ANKRD46: variants seen among roughly 807,000 people sequenced by gnomAD.
ANKRD46 encodes ankyrin repeat domain-containing protein 46.
Under a neutral mutation model 19.8 loss-of-function variants are expected in ANKRD46, and 13 were observed. The ratio of observed to expected loss-of-function variants is 0.66; its 90% CI spans 0.43 to 1.04. The LOEUF (loss-of-function observed/expected upper bound fraction) is 1.04. ANKRD46 is among the 50% of genes least tolerant of loss of function. The pLI, the probability that ANKRD46 is intolerant of heterozygous loss-of-function variation, is 0.00. For synonymous variants in ANKRD46, 91 were observed against 106.9 expected, an observed-to-expected ratio of 0.85 and a Z score of 0.92; for missense variants, 185 against 274.8, an observed-to-expected ratio of 0.67 and a Z score of 2.31.
At chr8:100,538,042 G>A (rs766631975) in intron 1 of ANKRD46, among the ~76,000 whole-genome samples, 1 of 152,098 alleles carries the variant, frequency 6.6e-6, no homozygotes, top group Non-Finnish European at 1.5e-5. Flanking sequence ...CCAAGAAATG[G>A]GTCTGATTTG....
Position 100,529,476 on chromosome 8 carries a change from A to T in ANKRD46, c.311+47T>A. On this transcript the variant is annotated intron_variant, in intron 3 of 4. Coordinates refer to ENST00000335659, the MANE Select transcript of ANKRD46 (RefSeq NM_001270377.2). The surrounding 1 kb of genome is among the most constrained non-coding windows in gnomAD (Gnocchi z 5.8). Reference sequence around the variant, plus strand: ...CCAAGATAAGATTATCAGTTGAGAGATTAATGGGAAGAAATGACTAGACTT... The same window carrying T: ...CCAAGATAAGATTATCAGTTGAGAGTTTAATGGGAAGAAATGACTAGACTT... The T allele has an allele frequency of 6.5e-7, 1 of 1,543,754 alleles. No homozygotes were observed. Among genetic ancestry groups the T allele is most frequent in the South Asian group, 1.2e-5 (1 of 82,708 alleles).
intron 5 of ANKRD46, among the ~76,000 whole-genome samples, chr8:100,512,792 A>G (rs558298438): frequency 6.6e-6 from 1 of 152,384 alleles, no homozygotes; most frequent in East Asian, 1.9e-4. Context: ...AACTCAATCA[A>G]AATCATCCTC....
chr8:100,522,087 G>A lies in ANKRD46; in HGVS notation c.*468C>T. On this transcript the variant is annotated 3_prime_UTR_variant, in exon 5 of 5. Transcript: ENST00000335659. ...ACAAGATTTGAAAAAAGTACTTCAA[G>A]TTTTATCTCTTATCCCTAGAGAAAG... 1 of 987,226 alleles carries A rather than the reference G, an allele frequency of 1.0e-6. No homozygotes were observed. The highest frequency in any genetic ancestry group is 1.2e-6 in the Non-Finnish European group (1 of 830,900). The allele number at this position is 987,226 out of a possible 1,614,324, so 61.2% of individuals were successfully genotyped here. A position where few individuals can be genotyped will look rare whatever the true frequency, so the allele number is the denominator to read the frequency against.
rs1021572691 is a variant in ANKRD46 at position 100,534,619 on chromosome 8, T to C, written c.-130-1308A>G. Reference sequence around the variant, plus strand: ...TCAATGTTAATTAAAATGGTGCAAGTGGGTTATTCTGGATGTGGTAGAGCT... The same window carrying C: ...TCAATGTTAATTAAAATGGTGCAAGCGGGTTATTCTGGATGTGGTAGAGCT... On this transcript the variant is annotated intron_variant, in intron 1 of 4. Transcript: ENST00000335659. The surrounding 1 kb of genome is among the most constrained non-coding windows in gnomAD (Gnocchi z 4.2). Among the ~76,000 whole-genome samples, 20 of 152,248 alleles carry C rather than the reference T, an allele frequency of 1.3e-4. No homozygotes were observed. The highest frequency in any genetic ancestry group is 4.8e-4 in the African/African-American group (20 of 41,536).
rs909581420 is a variant in ANKRD46, at chr8:100,510,575, G to A, written c.*2C>T. Reference sequence around the variant, plus strand: ...CAGGAGCACAGGACACTGACCTAGAGATTAGATGGCCTGGATTCGGCTTCT... The same window carrying A: ...CAGGAGCACAGGACACTGACCTAGAAATTAGATGGCCTGGATTCGGCTTCT... On this transcript the variant is annotated 3_prime_UTR_variant, in exon 6 of 6. Coordinates refer to the ANKRD46 transcript ENST00000520552. This position sits in a 1 kb window ranked among gnomAD's most constrained non-coding sequence, Gnocchi z 4.9. 7.8e-6 allele frequency: 12 copies of A among 1,535,336 alleles called. No individual in the cohort carries two copies. The African/African-American group carries it at 1.5e-4, about 19-fold the overall frequency.
intron 1 of ANKRD46, among the ~76,000 whole-genome samples, chr8:100,535,361 T>C (rs759669212): frequency 6.6e-6 from 1 of 152,248 alleles, no homozygotes; most frequent in Admixed American, 6.5e-5. Flanking sequence ...TAAATTCATA[T>C]GCAGTTGTAA....
intron 5 of ANKRD46, among the ~76,000 whole-genome samples, chr8:100,514,476 AT>A (rs1275067082): frequency 6.6e-6 from 1 of 152,132 alleles, no homozygotes; most frequent in Non-Finnish European, 1.5e-5. Context: ...ACATGAAAAA[AT>A]AATCCAAGTT....
Position 100,522,309 on chromosome 8 carries a change from AC to A in ANKRD46, c.*245del. ...TTCCGTGTTTTTATCAAACAAGGCT[AC>A]GTGTAGGCTTTCCTACAAAGTCAGG... On this transcript the variant is annotated 3_prime_UTR_variant, in exon 5 of 5. Transcript: ENST00000335659. The A allele has an allele frequency of 7.6e-7, 1 of 1,311,962 alleles. No homozygotes were observed. Among genetic ancestry groups the A allele is most frequent in the Non-Finnish European group, 9.7e-7 (1 of 1,027,700 alleles). 81.3% of individuals were successfully genotyped at this position (1,311,962 alleles called of 1,614,324 possible).
chr8:100,539,935 A>G (rs1812142090), intron 1 of ANKRD46, among the ~76,000 whole-genome samples: 1 of 152,196 alleles, frequency 6.6e-6, no homozygotes, highest in Non-Finnish European at 1.5e-5. Flanking sequence ...TAATAATTAA[A>G]ACTCTGTTAA....
At chr8:100,531,060 T>C (rs997917858) in intron 2 of ANKRD46, among the ~76,000 whole-genome samples, 3 of 152,178 alleles carry the variant, frequency 2.0e-5, no homozygotes, top group African/African-American at 7.2e-5. Context: ...ACCTGAACTC[T>C]CAGGACATTT....
intron 1 of ANKRD46, among the ~76,000 whole-genome samples, chr8:100,538,761 T>C (rs2130678789): frequency 6.6e-6 from 1 of 151,680 alleles, no homozygotes; most frequent in East Asian, 1.9e-4. Context: ...CTTGGAGAGG[T>C]GGGAAAAGTA....
chr8:100,536,411 G>A lies in ANKRD46; in HGVS notation c.-130-3100C>T, dbSNP rs1812065747. ...TTACTCCACCCAGAATGTATATGGA[G>A]CTGGACTGCCTGGGTTTGAACCCCA... On this transcript the variant is annotated intron_variant, in intron 1 of 4. Transcript: ENST00000335659. This position sits in a 1 kb window ranked among gnomAD's most constrained non-coding sequence, Gnocchi z 4.9. Among the ~76,000 whole-genome samples the A allele has an allele frequency of 2.0e-5, 3 of 152,176 alleles. No individual in the cohort carries two copies. The East Asian group carries it at 5.8e-4, about 29-fold the overall frequency.
rs752108875 is a variant in ANKRD46, at chr8:100,524,807, C to T, written c.471-2036G>A. ...TCAGAGCTCATGAAGCTCTGCCAAT[C>T]GGGATATTCTATAAAGACTTTATCC... On this transcript the variant is annotated intron_variant, in intron 4 of 4. Coordinates refer to ENST00000335659, the MANE Select transcript of ANKRD46 (RefSeq NM_001270377.2). The surrounding 1 kb of genome is among the most constrained non-coding windows in gnomAD (Gnocchi z 4.3). 2.4e-4 allele frequency among the ~76,000 whole-genome samples: 36 copies of T among 152,164 alleles called. No homozygotes were observed. Among genetic ancestry groups the T allele is most frequent in the Non-Finnish European group, 3.5e-4 (24 of 68,014 alleles).
At position 100,559,473 on chromosome 8, in the gene ANKRD46, C is replaced by A. The variant is rs1024156668; in HGVS notation, c.-131+238G>T. 1 of 152,426 alleles carries A rather than the reference C, an allele frequency of 6.6e-6. No individual in the cohort carries two copies. Among genetic ancestry groups the A allele is most frequent in the African/African-American group, 2.4e-5 (1 of 41,478 alleles). The allele number at this position is 152,426 out of a possible 1,614,324, so 9.4% of individuals were successfully genotyped here. The stretch of plus-strand genomic sequence containing the variant: ...TAACCCGCAAGCGCAAACGAGAACC[C>A]TCGCAGGCCTCTGCCCGGCCCTCGT... On this transcript the variant is annotated intron_variant, in intron 1 of 4. Transcript: ENST00000335659. This position sits in a 1 kb window ranked among gnomAD's most constrained non-coding sequence, Gnocchi z 6.0.
At chr8:100,535,392 T>C (rs114790903) in intron 1 of ANKRD46, among the ~76,000 whole-genome samples, 1,746 of 152,354 alleles carry the variant, frequency 0.011, 36 homozygotes, top group African/African-American at 0.039. Context: ...AGAGTGATCC[T>C]GTGCACCCTT....
At chr8:100,552,042 C>T (rs781610674) in intron 1 of ANKRD46, among the ~76,000 whole-genome samples, 18 of 150,302 alleles carry the variant, frequency 1.2e-4, no homozygotes, top group Non-Finnish European at 2.2e-4. Context: ...CCCAGGTACT[C>T]GGGAGGCTGA....
At chr8:100,548,026 T>C (rs1226063785) in intron 1 of ANKRD46, among the ~76,000 whole-genome samples, 1 of 152,102 alleles carries the variant, frequency 6.6e-6, no homozygotes, top group Non-Finnish European at 1.5e-5. Context: ...GTATTTTTAG[T>C]AGCTCCCATG....
intron 1 of ANKRD46, among the ~76,000 whole-genome samples, chr8:100,549,872 T>G (rs1341877305): frequency 6.6e-6 from 1 of 152,208 alleles, no homozygotes; most frequent in East Asian, 1.9e-4. Flanking sequence ...ACCCAACCCC[T>G]GATATTTTTA....
intron 1 of ANKRD46, among the ~76,000 whole-genome samples, chr8:100,558,150 G>A (rs149500179): frequency 1.2e-4 from 18 of 152,274 alleles, no homozygotes; most frequent in Non-Finnish European, 2.1e-4. Flanking sequence ...AGAAGTTTGG[G>A]ACTATAAAGC....
Sources: allele counts gnomAD v4.1 joint callset (sites outside exome capture counted in the v4.1 genomes callset), GRCh38; gene constraint gnomAD v4.1.1; non-coding constraint Gnocchi (gnomAD v3.1); transcripts MANE v1.5; gene names NCBI Gene and HGNC (gene_info 2026-07-23, HGNC 2026-07-21).